CDH10: variants seen among roughly 807,000 people sequenced by gnomAD.
The protein encoded by CDH10 is cadherin 10.
Under a neutral mutation model 73.1 loss-of-function variants are expected in CDH10, and 30 were observed. The observed-to-expected ratio is 0.41, with a 90% CI of 0.31 to 0.56. The LOEUF is 0.56. CDH10 is among the 20% of genes least tolerant of loss of function. CDH10 has a pLI of 0.27. For synonymous variants in CDH10, 345 were observed against 348.2 expected, an observed-to-expected ratio of 0.99 and a Z score of 0.10; for missense variants, 815 against 973.7, an observed-to-expected ratio of 0.84 and a Z score of 2.17.
chr5:24,526,248 C>T (rs990377298), intron 5 of CDH10, among the ~76,000 whole-genome samples: 9 of 151,848 alleles, frequency 5.9e-5, no homozygotes, highest in South Asian at 2.1e-4. Flanking sequence ...CAAGTAGTTC[C>T]GTCTAAGGCA....
intron 2 of CDH10, among the ~76,000 whole-genome samples, chr5:24,579,227 A>T (rs1007236433): frequency 7.2e-5 from 11 of 151,980 alleles, no homozygotes; most frequent in Non-Finnish European, 1.5e-4. Context: ...AATTAAGAGT[A>T]AAATGGTAAA....
rs376848070 is a variant in CDH10 at position 24,500,986 on chromosome 5, C to T, written c.1394-2467G>A. 5.9e-5 allele frequency among the ~76,000 whole-genome samples: 9 copies of T among 152,280 alleles called. No homozygotes were observed. In the East Asian group the frequency reaches 9.7e-4, roughly 16 times the overall value. On this transcript the variant is annotated intron_variant, in intron 8 of 11. Transcript: ENST00000264463. ...CACTTCCTCTATGCCAGACCATTTG[C>T]TAATACCCAGAGCCATGGGGTTCTC...
intron 11 of CDH10, among the ~76,000 whole-genome samples, chr5:24,489,257 A>G (rs1741958904): frequency 6.6e-6 from 1 of 152,140 alleles, no homozygotes; most frequent in Non-Finnish European, 1.5e-5. Context: ...ATGAAGGGAT[A>G]TTAAGTTATG....
At chr5:24,633,107 T>A (rs931447502) in intron 1 of CDH10, among the ~76,000 whole-genome samples, 2 of 50,188 alleles carry the variant, frequency 4.0e-5, no homozygotes, top group African/African-American at 1.5e-4. Context: ...TACCTTCAGA[T>A]AATAAAGTAA....
At position 24,541,785 on chromosome 5, in the gene CDH10, G is replaced by A. The variant is rs564317522; in HGVS notation, c.232-4111C>T. On this transcript the variant is annotated intron_variant, in intron 2 of 11. Transcript: ENST00000264463. ...TAATACTGACCTTTTCTTTCCTTGA[G>A]AAAAGCCTATTAAAAATTCACAACC... Among the ~76,000 whole-genome samples, 103 of 152,020 alleles carry A rather than the reference G, an allele frequency of 6.8e-4. 2 individuals are homozygous for A. The highest frequency in any genetic ancestry group is 6.0e-3 in the South Asian group (29 of 4,822).
intron 1 of CDH10, among the ~76,000 whole-genome samples, chr5:24,642,679 T>C (rs1386388122): frequency 6.6e-6 from 1 of 152,136 alleles, no homozygotes; most frequent in East Asian, 1.9e-4. Flanking sequence ...TCAAGGAACA[T>C]CACCTAGAGC....
intron 5 of CDH10, among the ~76,000 whole-genome samples, chr5:24,517,878 A>G (rs150543840): frequency 1.6e-4 from 24 of 152,258 alleles, no homozygotes; most frequent in African/African-American, 5.8e-4. Flanking sequence ...CCGCAGATAG[A>G]CTCCACAACA....
rs1026874837 is a variant in CDH10 at position 24,511,609 on chromosome 5, C to T, written c.815-95G>A. 1.5e-5 allele frequency: 9 copies of T among 615,750 alleles called. No individual in the cohort carries two copies. The Admixed American group carries it at 1.6e-4, about 11-fold the overall frequency. The allele number at this position is 615,750 out of a possible 1,614,324, so 38.1% of individuals were successfully genotyped here. On this transcript the variant is annotated intron_variant, in intron 5 of 11. Coordinates refer to ENST00000264463, the MANE Select transcript of CDH10 (RefSeq NM_006727.5). ...AGAGAGAGATTTCTCAATAGAATAG[C>T]CAAAAGCAAAACATGTAAGACGCAA...
At chr5:24,540,960 T>C (rs1397622866) in intron 2 of CDH10, among the ~76,000 whole-genome samples, 1 of 151,960 alleles carries the variant, frequency 6.6e-6, no homozygotes. Flanking sequence ...GATCCTGGCA[T>C]GTAAAAATGT....
In CDH10 at chr5:24,511,535, A is replaced by AAGAG. The variant is rs776963293; in HGVS notation, c.815-25_815-22dup. The AAGAG allele has an allele frequency of 2.1e-5, 18 of 845,518 alleles. No individual in the cohort carries two copies. The East Asian group carries it at 2.3e-4, about 11-fold the overall frequency. 52.4% of individuals were successfully genotyped at this position (845,518 alleles called of 1,614,324 possible). A position where few individuals can be genotyped will look rare whatever the true frequency, so the allele number is the denominator to read the frequency against. On this transcript the variant is annotated intron_variant, in intron 5 of 11. Transcript: ENST00000264463. ...AGTGTCTGTAAAGTATAAAGAAAAG[A>AAGAG]AGAGAGAGACAGAGAGAGAGAGAGA...
chr5:24,564,577 A>T (rs2112001305), intron 2 of CDH10, among the ~76,000 whole-genome samples: 1 of 152,254 alleles, frequency 6.6e-6, no homozygotes, highest in East Asian at 1.9e-4. Context: ...AAAGTGAGCA[A>T]GTCCCCCACG....
At chr5:24,612,252 ATG>A (rs374285079) in intron 1 of CDH10, 2 of 152,298 alleles carry the variant, frequency 1.3e-5, no homozygotes, top group South Asian at 2.1e-4. Flanking sequence ...TTATGATCAT[ATG>A]TGTGTGAAGG....
intron 6 of CDH10, among the ~76,000 whole-genome samples, chr5:24,510,446 T>G (rs1742860988): frequency 6.6e-6 from 1 of 152,214 alleles, no homozygotes; most frequent in African/African-American, 2.4e-5. Context: ...TAAAATCAAC[T>G]ATTTTCTATC....
At chr5:24,629,748 T>C (rs946081046) in intron 1 of CDH10, among the ~76,000 whole-genome samples, 2 of 152,130 alleles carry the variant, frequency 1.3e-5, no homozygotes, top group African/African-American at 2.4e-5. Flanking sequence ...ATGTAAGACA[T>C]GCCTACTTCC....
Position 24,491,784 on chromosome 5 carries a change from T to C in CDH10, c.1668A>G (p.Arg556=). Residue 556 remains arginine, a synonymous_variant, in exon 11 of 12, where the codon AGA becomes AGG. Transcript: ENST00000264463. ...RILTRKNGFN[R]HEISTYLLPV... The stretch of plus-strand genomic sequence containing the variant: ...GCAAGAGATAGGTACTGATTTCATG[T>C]CTATTGAATCCATTTTTTCTGGTTA... 1 of 1,603,764 alleles carries C rather than the reference T, an allele frequency of 6.2e-7. No homozygotes were observed. The highest frequency in any genetic ancestry group is 8.5e-7 in the Non-Finnish European group (1 of 1,170,726).
intron 1 of CDH10, among the ~76,000 whole-genome samples, chr5:24,600,705 C>T (rs375289197): frequency 1.5e-4 from 23 of 151,962 alleles, no homozygotes; most frequent in East Asian, 1.4e-3. Context: ...AGAGAAAGTG[C>T]GTTTCATGAA....
intron 5 of CDH10, among the ~76,000 whole-genome samples, chr5:24,527,596 A>T (rs1743580651): frequency 6.6e-6 from 1 of 151,914 alleles, no homozygotes; most frequent in Non-Finnish European, 1.5e-5. Context: ...CCTAGGCTAC[A>T]AACCTGTACA....
chr5:24,574,132 G>A (rs544864271), intron 2 of CDH10, among the ~76,000 whole-genome samples: 4 of 151,846 alleles, frequency 2.6e-5, no homozygotes, highest in African/African-American at 9.7e-5. Flanking sequence ...TGATCCGCCC[G>A]CCTCGGCCTC....
At chr5:24,580,758 G>A (rs537046075) in intron 2 of CDH10, among the ~76,000 whole-genome samples, 4 of 152,234 alleles carry the variant, frequency 2.6e-5, no homozygotes, top group Admixed American at 6.5e-5. Flanking sequence ...AATGTCAGAA[G>A]TCTAAAACCA....
Sources: allele counts gnomAD v4.1 joint callset (sites outside exome capture counted in the v4.1 genomes callset), GRCh38; gene constraint gnomAD v4.1.1; transcripts MANE v1.5; gene names NCBI Gene and HGNC (gene_info 2026-07-23, HGNC 2026-07-21).